ARHGEF10: variants seen among roughly 807,000 people sequenced by gnomAD.
ARHGEF10 encodes Rho guanine nucleotide exchange factor 10.
ARHGEF10 carries 140 observed loss-of-function variants against 147.4 expected under a neutral mutation model. That is an observed-to-expected ratio of 0.95 (90% CI 0.83 to 1.09). The LOEUF is 1.09. Among genes scored for constraint, ARHGEF10 ranks in the 50% least tolerant of loss-of-function variants. The pLI is 0.00. For missense variants in ARHGEF10, 2,222 were observed against 1,752.7 expected (o/e 1.27, Z -4.78); for synonymous variants, 902 against 695.8 (o/e 1.30, Z -4.67).
At chr8:1,891,242 G>C (rs147216932) in intron 11 of ARHGEF10, among the ~76,000 whole-genome samples, 3 of 152,036 alleles carry the variant, frequency 2.0e-5, no homozygotes, top group Admixed American at 6.6e-5. Context: ...GATTCACATC[G>C]ATTTTGTTTT....
At position 1,842,849 on chromosome 8, in the gene ARHGEF10, G is replaced by A. The variant is rs554337102; in HGVS notation, c.-47-504G>A. 3.7e-4 allele frequency among the ~76,000 whole-genome samples: 56 copies of A among 152,302 alleles called. 1 individual carries two copies. In the South Asian group the frequency reaches 0.01, roughly 28 times the overall value. On this transcript the variant is annotated intron_variant, in intron 1 of 28. Transcript: ENST00000349830. ...AGCAGGCAGGCCGGGACCCAGCCTC[G>A]CCCCGAGAGGTTAGCCACATGCTTA...
rs996146896 is a variant in ARHGEF10, at chr8:1,879,498, G to C, written c.844-550G>C. Among the ~76,000 whole-genome samples the C allele has an allele frequency of 7.2e-5, 11 of 151,874 alleles. 1 individual carries two copies. The highest frequency in any genetic ancestry group is 7.2e-4 in the Admixed American group (11 of 15,256). ...CTAGCACAGAGAAGACCCTAGCCTG[G>C]TGTCTGGATAGTGTCTGTCTTTTGA... On this transcript the variant is annotated intron_variant, in intron 8 of 28. Coordinates refer to ENST00000349830, the MANE Select transcript of ARHGEF10 (RefSeq NM_014629.4).
chr8:1,888,252 G>A lies in ARHGEF10; in HGVS notation c.1182+2545G>A, dbSNP rs150537999. 4.1e-3 allele frequency among the ~76,000 whole-genome samples: 309 copies of A among 75,464 alleles called. 75 individuals are homozygous for A. Among genetic ancestry groups the A allele is most frequent in the African/African-American group, 0.015 (283 of 18,488 alleles). The allele number at this position is 75,464 out of a possible 152,430, so 49.5% of individuals were successfully genotyped here. On this transcript the variant is annotated intron_variant, in intron 11 of 28. Coordinates refer to ENST00000349830, the MANE Select transcript of ARHGEF10 (RefSeq NM_014629.4). Reference sequence around the variant, plus strand: ...AGACAGTGAGTGTGGTGAGGGTTGCGAGGAGATGCTGAGTGGGGCTGTAGG... The same window carrying A: ...AGACAGTGAGTGTGGTGAGGGTTGCAAGGAGATGCTGAGTGGGGCTGTAGG...
intron 1 of ARHGEF10, among the ~76,000 whole-genome samples, chr8:1,836,537 AG>A (rs1292117793): frequency 2.6e-5 from 4 of 152,134 alleles, no homozygotes; most frequent in African/African-American, 4.8e-5. Flanking sequence ...CCCGGGCTTC[AG>A]GGGGTGGGAT....
At chr8:1,923,974 G>T in intron 21 of ARHGEF10, 100 bp downstream of exon 21, 1 of 1,111,080 alleles carries the variant, frequency 9.0e-7, no homozygotes, top group African/African-American at 1.5e-5. Context: ...CTCAGCAGTA[G>T]ATCCATGCAT....
At chr8:1,906,727 A>T (rs922127562) in intron 17 of ARHGEF10, among the ~76,000 whole-genome samples, 4 of 152,184 alleles carry the variant, frequency 2.6e-5, no homozygotes, top group African/African-American at 9.7e-5. Flanking sequence ...AATAGGGTTG[A>T]TCATAAAAAT....
intron 25 of ARHGEF10, among the ~76,000 whole-genome samples, chr8:1,929,741 T>C (rs975887265): frequency 6.6e-5 from 10 of 152,208 alleles, no homozygotes; most frequent in Admixed American, 2.6e-4. Context: ...CAGAGCCTCC[T>C]TCAGCATGTC....
intron 4 of ARHGEF10, 144 bp from the exon 5 acceptor site, chr8:1,864,229 T>A (rs1370480126): frequency 2.5e-6 from 2 of 803,590 alleles, no homozygotes; most frequent in Non-Finnish European, 4.2e-6. Context: ...AGCTAAAAAT[T>A]TTTAAGTTTA....
In ARHGEF10 at chr8:1,938,675, C is replaced by A. The variant is rs148338239; in HGVS notation, c.3222+4733C>A. 5.2e-3 allele frequency among the ~76,000 whole-genome samples: 788 copies of A among 152,258 alleles called. 2 individuals are homozygous for A. Among genetic ancestry groups the A allele is most frequent in the African/African-American group, 0.018 (760 of 41,544 alleles). ...GCCTAAGCGGGCACGGTGGCTCACACTTGTAATCCCAGCCACTTGGGAGGC... is the reference window on the plus strand; with the variant it reads ...GCCTAAGCGGGCACGGTGGCTCACAATTGTAATCCCAGCCACTTGGGAGGC... On this transcript the variant is annotated intron_variant, in intron 26 of 28. Coordinates refer to ENST00000349830, the MANE Select transcript of ARHGEF10 (RefSeq NM_014629.4).
chr8:1,831,033 G>T (rs1803066310), intron 1 of ARHGEF10, among the ~76,000 whole-genome samples: 1 of 152,268 alleles, frequency 6.6e-6, no homozygotes, highest in South Asian at 2.1e-4. Context: ...GAGGGGACTG[G>T]TGAATGCCAG....
intron 15 of ARHGEF10, among the ~76,000 whole-genome samples, chr8:1,902,542 C>T (rs1480531963): frequency 1.3e-5 from 2 of 152,056 alleles, no homozygotes; most frequent in Non-Finnish European, 2.9e-5. Context: ...TTTAGGGTCG[C>T]AGCAAAATTG....
chr8:1,945,882 C>CGTGCTGGGAGGAGCCGA (rs1490172093), intron 27 of ARHGEF10: 1 of 752,056 alleles, frequency 1.3e-6, no homozygotes, highest in South Asian at 1.7e-5. Context: ...GAAGGAGCCG[C>CGTGCTGGGAGGAGCCGA]GTGCTGGGAG....
intron 16 of ARHGEF10, chr8:1,903,882 C>T (rs1394154259): frequency 4.0e-6 from 1 of 250,672 alleles, no homozygotes; most frequent in East Asian, 1.1e-4. Flanking sequence ...TCGCTGGAAC[C>T]CAGGAGTTCA....
At chr8:1,840,384 G>A (rs1290108450) in intron 1 of ARHGEF10, among the ~76,000 whole-genome samples, 1 of 135,588 alleles carries the variant, frequency 7.4e-6, no homozygotes, top group Non-Finnish European at 1.6e-5. Flanking sequence ...GGGACTGTCT[G>A]GTGTGGAAGC....
At position 1,929,387 on chromosome 8, in the gene ARHGEF10, A is replaced by G. The variant is rs371413940; in HGVS notation, c.3023A>G (p.Gln1008Arg). 26 of 1,613,374 alleles carry G rather than the reference A, an allele frequency of 1.6e-5. No individual in the cohort carries two copies. The African/African-American group carries it at 3.1e-4, about 19-fold the overall frequency. ...STVMSLACTS[Q>R]SLYAGLVNGA... ...GTCATGAGCCTGGCTTGCACGTCTC[A>G]GAGCCTGTACGCTGGCCTGGTCAAC... Residue 1008 changes from glutamine (Q) to arginine (R), a missense_variant, in exon 25 of 29, where the codon CAG becomes CGG. Coordinates refer to ENST00000349830, the MANE Select transcript of ARHGEF10 (RefSeq NM_014629.4).
intron 7 of ARHGEF10, 145 bp from the exon 8 acceptor site, chr8:1,876,426 G>C: frequency 1.2e-6 from 1 of 861,044 alleles, no homozygotes; most frequent in South Asian, 1.5e-5. Context: ...CATGGAGCAA[G>C]CCCGGGGCTC....
chr8:1,945,973 T>A, intron 27 of ARHGEF10: 1 of 493,444 alleles, frequency 2.0e-6, no homozygotes, highest in Non-Finnish European at 3.7e-6. Flanking sequence ...TCATCATCGG[T>A]GCAACAAGGC....
intron 20 of ARHGEF10, 55 bp from the exon 21 acceptor site, chr8:1,923,719 C>G: frequency 1.9e-6 from 3 of 1,613,272 alleles, no homozygotes; most frequent in Non-Finnish European, 2.5e-6. Flanking sequence ...GTAATTTAAC[C>G]TCACAGGATG....
intron 11 of ARHGEF10, among the ~76,000 whole-genome samples, chr8:1,892,553 C>A (rs981781713): frequency 1.3e-5 from 2 of 151,736 alleles, no homozygotes; most frequent in Non-Finnish European, 2.9e-5. Flanking sequence ...GCTCTTTGCC[C>A]GCTAGGTGGC....
Sources: allele counts gnomAD v4.1 joint callset (sites outside exome capture counted in the v4.1 genomes callset), GRCh38; gene constraint gnomAD v4.1.1; transcripts MANE v1.5; gene names NCBI Gene and HGNC (gene_info 2026-07-23, HGNC 2026-07-21).